The following GRK7 variants were observed in gnomAD, a reference collection of about 807,000 sequenced individuals.
The protein encoded by GRK7 is rhodopsin kinase GRK7.
GRK7 carries 24 observed loss-of-function variants against 34.1 expected under a neutral mutation model. That is an observed-to-expected ratio of 0.70 (90% confidence interval 0.51 to 0.99). The LOEUF (loss-of-function observed/expected upper bound fraction) is 0.99. Among genes scored for constraint, GRK7 ranks in the 50% least tolerant of loss-of-function variants. The pLI, the probability that GRK7 is intolerant of heterozygous loss-of-function variation, is 0.00. For missense variants in GRK7, 644 were observed against 707.3 expected (o/e 0.91, Z 1.02); for synonymous variants, 256 against 279.4 (o/e 0.92, Z 0.84).
At chr3:141,779,286 C>T (rs751027459) in intron 3 of GRK7, among the ~76,000 whole-genome samples, 4 of 151,854 alleles carry the variant, frequency 2.6e-5, no homozygotes, top group Admixed American at 6.6e-5. Flanking sequence ...GGTGTGGTGA[C>T]ATGCCTGTAA....
In GRK7 at chr3:141,816,928, C is replaced by T; in HGVS notation, c.1540C>T (p.Pro514Ser). 1 of 1,614,012 alleles carries T rather than the reference C, an allele frequency of 6.2e-7. No homozygotes were observed. The highest frequency in any genetic ancestry group is 2.2e-5 in the East Asian group (1 of 44,880). ...CAAAAACTTTGCGACAGGTGCTGTT[C>T]CTATAGCATGGCAGGAAGAAATTAT... Reference protein sequence around the residue: ...FFKNFATGAVPIAWQEEIIET... With the variant: ...FFKNFATGAVSIAWQEEIIET... The change falls in exon 6 of 6, where the codon CCT becomes TCT. Residue 514 changes from proline (P) to serine (S), a missense_variant. By Grantham distance (74) the Pro-to-Ser change is moderately conservative. Transcript: ENST00000682958.
chr3:141,792,991 A>G lies in GRK7; in HGVS notation c.1050+12180A>G, dbSNP rs576698914. On this transcript the variant is annotated intron_variant, in intron 4 of 5. Transcript: ENST00000682958. Reference sequence around the variant, plus strand: ...CGTGGAGGCTTCCAGGAAGATGAACAAGAACACATCCACGTGCTGGGAGTG... The same window carrying G: ...CGTGGAGGCTTCCAGGAAGATGAACGAGAACACATCCACGTGCTGGGAGTG... 9.8e-5 allele frequency among the ~76,000 whole-genome samples: 15 copies of G among 152,356 alleles called. 1 individual carries two copies. The highest frequency in any genetic ancestry group is 3.6e-4 in the African/African-American group (15 of 41,596).
intron 1 of GRK7, among the ~76,000 whole-genome samples, chr3:141,773,242 G>A (rs940896663): frequency 1.3e-5 from 2 of 151,796 alleles, no homozygotes; most frequent in Non-Finnish European, 2.9e-5. Flanking sequence ...ATAGTAAATT[G>A]TTGAGTTACA....
intron 3 of GRK7, among the ~76,000 whole-genome samples, chr3:141,780,080 A>C (rs2084663705): frequency 1.3e-5 from 2 of 152,228 alleles, no homozygotes; most frequent in Non-Finnish European, 2.9e-5. Context: ...CTTTTCAAGG[A>C]GCCACCAAAC....
At chr3:141,803,607 T>G (rs1477682397) in intron 4 of GRK7, among the ~76,000 whole-genome samples, 1 of 152,182 alleles carries the variant, frequency 6.6e-6, no homozygotes, top group Admixed American at 6.5e-5. Context: ...TTGCCTATAT[T>G]AGACACCCTG....
At chr3:141,751,391 T>C in the GRK7 span, among the ~76,000 whole-genome samples, 1 of 152,174 alleles carries the variant, frequency 6.6e-6, no homozygotes, top group Non-Finnish European at 1.5e-5. Context: ...AAAAGTCTTC[T>C]CTCTTCAGAG....
rs1711179248 is a variant in GRK7 at position 141,818,654 on chromosome 3, A to G, written c.*1604A>G. ...AGCTGCGAAAAAATATTTGGGATAC[A>G]AATATAAAGCTGAGTGATATTTTTT... On this transcript the variant is annotated 3_prime_UTR_variant, in exon 6 of 6. Coordinates refer to ENST00000682958, the MANE Select transcript of GRK7 (RefSeq NM_139209.3). Among the ~76,000 whole-genome samples, 1 of 152,230 alleles carries G rather than the reference A, an allele frequency of 6.6e-6. No homozygotes were observed. Among genetic ancestry groups the G allele is most frequent in the South Asian group, 2.1e-4 (1 of 4,830 alleles).
intron 5 of GRK7, among the ~76,000 whole-genome samples, chr3:141,809,198 TC>T (rs1711067915): frequency 6.6e-6 from 1 of 152,140 alleles, no homozygotes; most frequent in South Asian, 2.1e-4. Flanking sequence ...CAAGACTTCG[TC>T]TCAAAATAAT....
At chr3:141,773,367 A>G (rs1314050790) in intron 1 of GRK7, among the ~76,000 whole-genome samples, 1 of 152,030 alleles carries the variant, frequency 6.6e-6, no homozygotes, top group East Asian at 1.9e-4. Flanking sequence ...TGGCTGCTCT[A>G]TACTAGATGT....
intron 4 of GRK7, among the ~76,000 whole-genome samples, chr3:141,783,607 A>G (rs530124827): frequency 2.6e-4 from 39 of 152,328 alleles, no homozygotes; most frequent in African/African-American, 8.7e-4. Flanking sequence ...TGAGGTCTCA[A>G]TTCAGACTCT....
At chr3:141,776,079 T>C (rs922351167) in intron 2 of GRK7, among the ~76,000 whole-genome samples, 1 of 151,942 alleles carries the variant, frequency 6.6e-6, no homozygotes, top group Non-Finnish European at 1.5e-5. Flanking sequence ...GGTCAGGAGA[T>C]CGAGACCATC....
chr3:141,794,396 C>T (rs771900483), intron 4 of GRK7, among the ~76,000 whole-genome samples: 12 of 152,108 alleles, frequency 7.9e-5, no homozygotes, highest in Non-Finnish European at 1.5e-4. Context: ...GCATTTCAGG[C>T]CATGGGAATA....
chr3:141,765,289 C>G lies in GRK7; in HGVS notation c.-664C>G, dbSNP rs536032449. Among the ~76,000 whole-genome samples the G allele has an allele frequency of 1.3e-5, 2 of 152,212 alleles. No individual in the cohort carries two copies. The highest frequency in any genetic ancestry group is 4.8e-5 in the African/African-American group (2 of 41,446). On this transcript the variant is annotated 5_prime_UTR_variant, in exon 1 of 6. Coordinates refer to ENST00000682958, the MANE Select transcript of GRK7 (RefSeq NM_139209.3). ...TACCCTCAGGCAGTCACATGGCTCACGCCCTTACCTTCAGGAGGTCTTGAC... is the reference window on the plus strand; with the variant it reads ...TACCCTCAGGCAGTCACATGGCTCAGGCCCTTACCTTCAGGAGGTCTTGAC...
intron 4 of GRK7, among the ~76,000 whole-genome samples, chr3:141,792,468 A>C (rs1407047407): frequency 6.6e-6 from 1 of 152,124 alleles, no homozygotes; most frequent in Non-Finnish European, 1.5e-5. Flanking sequence ...CTTATGATAA[A>C]TGCTGGGAAG....
intron 4 of GRK7, among the ~76,000 whole-genome samples, chr3:141,781,028 TG>T (rs796631319): frequency 2.6e-5 from 4 of 152,190 alleles, no homozygotes; most frequent in African/African-American, 9.6e-5. Flanking sequence ...TCACAGGGGA[TG>T]GGGGAGCCTC....
rs1352937321 is a variant in GRK7 at position 141,818,986 on chromosome 3, A to G, written c.*1936A>G. Among the ~76,000 whole-genome samples, 7 of 151,984 alleles carry G rather than the reference A, an allele frequency of 4.6e-5. No individual in the cohort carries two copies. The highest frequency in any genetic ancestry group is 4.4e-5 in the Non-Finnish European group (3 of 67,990). On this transcript the variant is annotated 3_prime_UTR_variant, in exon 6 of 6. Coordinates refer to ENST00000682958, the MANE Select transcript of GRK7 (RefSeq NM_139209.3). ...CATGCTCCCTAATGCTCCAAATCCT[A>G]ACCTAGGATGCTTAGATTTCTGTGT...
chr3:141,772,695 G>T (rs1427912202), intron 1 of GRK7, among the ~76,000 whole-genome samples: 1 of 151,998 alleles, frequency 6.6e-6, no homozygotes, highest in East Asian at 1.9e-4. Flanking sequence ...TGATGCAAAG[G>T]GTAATGAAAG....
At chr3:141,807,418 C>T (rs1362182144) in intron 4 of GRK7, among the ~76,000 whole-genome samples, 1 of 152,180 alleles carries the variant, frequency 6.6e-6, no homozygotes, top group African/African-American at 2.4e-5. Context: ...AACTCTTTAT[C>T]TCATTGGCCA....
intron 5 of GRK7, among the ~76,000 whole-genome samples, chr3:141,813,607 C>T (rs1254321724): frequency 6.6e-6 from 1 of 152,106 alleles, no homozygotes; most frequent in African/African-American, 2.4e-5. Flanking sequence ...CCTTGTAGCA[C>T]CTTTTGATCC....
Sources: allele counts gnomAD v4.1 joint callset (sites outside exome capture counted in the v4.1 genomes callset), GRCh38; gene constraint gnomAD v4.1.1; transcripts MANE v1.5; gene names NCBI Gene and HGNC (gene_info 2026-07-23, HGNC 2026-07-21).